PID1: variants seen among roughly 807,000 people sequenced by gnomAD.
PID1 encodes the protein PTB-containing, cubilin and LRP1-interacting protein.
Under a neutral mutation model 19.1 loss-of-function variants are expected in PID1, and 10 were observed. The ratio of observed to expected loss-of-function variants is 0.52; its 90% CI spans 0.32 to 0.89. PID1 has a LOEUF of 0.89. Ranked by LOEUF, PID1 falls within the 40% of genes least tolerant of loss-of-function variation. PID1 has a pLI of 0.03. For synonymous variants in PID1, 130 were observed against 116.0 expected, an observed-to-expected ratio of 1.12 and a Z score of -0.78; for missense variants, 248 against 285.3, an observed-to-expected ratio of 0.87 and a Z score of 0.94.
At chr2:229,252,469 T>C (rs900280446) in intron 1 of PID1, among the ~76,000 whole-genome samples, 3 of 152,130 alleles carry the variant, frequency 2.0e-5, no homozygotes, top group African/African-American at 7.2e-5. Flanking sequence ...GCAGAGCAAA[T>C]ACATATCTCA....
intron 2 of PID1, among the ~76,000 whole-genome samples, chr2:229,097,614 AT>A (rs1204851967): frequency 6.6e-6 from 1 of 152,184 alleles, no homozygotes; most frequent in Admixed American, 6.6e-5. Context: ...AAAACAGTAT[AT>A]TAAAGACTGA....
At chr2:229,259,506 G>A (rs1430833313) in intron 1 of PID1, among the ~76,000 whole-genome samples, 3 of 152,122 alleles carry the variant, frequency 2.0e-5, no homozygotes, top group Non-Finnish European at 2.9e-5. Context: ...TACACACAAA[G>A]GCACAAAGAT....
chr2:229,258,313 C>T (rs1690360107), intron 1 of PID1, among the ~76,000 whole-genome samples: 1 of 152,234 alleles, frequency 6.6e-6, no homozygotes, highest in Middle Eastern at 3.4e-3. Flanking sequence ...GACTAAGATC[C>T]CTAGGCAAAC....
At position 229,025,950 on chromosome 2, in the gene PID1, G is replaced by C. The variant is rs941668930; in HGVS notation, c.336C>G (p.Leu112=). ...LLEIRPFQVW[L]HHLDHKGEAT... is the part of the protein sequence containing the mutation. ...CCTCCCCTTTGTGGTCGAGATGATGGAGCCAAACTTGGAATGGCCGGATTT... is the reference window on the plus strand; with the variant it reads ...CCTCCCCTTTGTGGTCGAGATGATGCAGCCAAACTTGGAATGGCCGGATTT... Residue 112 remains leucine (L), a synonymous_variant, in exon 3 of 3, where the codon CTC becomes CTG. Transcript: ENST00000392055. The C allele has an allele frequency of 1.9e-6, 3 of 1,614,098 alleles. No individual in the cohort carries two copies. In the African/African-American group the frequency reaches 4.0e-5, roughly 22 times the overall value.
chr2:229,194,854 T>C (rs1054377791), intron 1 of PID1, among the ~76,000 whole-genome samples: 1 of 152,010 alleles, frequency 6.6e-6, no homozygotes, highest in Admixed American at 6.6e-5. Flanking sequence ...AATGTACATG[T>C]ATATAGTATA....
chr2:229,074,047 G>C (rs1426543461), intron 2 of PID1, among the ~76,000 whole-genome samples: 1 of 152,092 alleles, frequency 6.6e-6, no homozygotes, highest in African/African-American at 2.4e-5. Flanking sequence ...CCTCAAAATA[G>C]AAATCATTAA....
Position 229,025,788 on chromosome 2 carries a change from G to T in PID1, c.498C>A (p.Ala166=), listed in dbSNP as rs542027380. Residue 166 remains alanine, a synonymous_variant, in exon 3 of 3, where the codon GCC becomes GCA. Coordinates refer to ENST00000392055, the MANE Select transcript of PID1 (RefSeq NM_001100818.2). ...CCTCGAGCTTGCTCTCGCACTCCAC[G>T]GCGTGGCAGTCCATCTGGTAGGACA... The part of the protein sequence containing the change: ...DDLSYQMDCH[A]VECESKLEAK... 6.2e-7 allele frequency: 1 copy of T among 1,614,260 alleles called. No individual in the cohort carries two copies. The highest frequency in any genetic ancestry group is 1.1e-5 in the South Asian group (1 of 91,088).
intron 1 of PID1, among the ~76,000 whole-genome samples, chr2:229,257,991 A>T (rs1200526513): frequency 6.6e-6 from 1 of 152,200 alleles, no homozygotes; most frequent in African/African-American, 2.4e-5. Context: ...AGGAAAAATA[A>T]CAAGAAGGCA....
intron 2 of PID1, among the ~76,000 whole-genome samples, chr2:229,154,295 T>A (rs1196288204): frequency 6.7e-6 from 1 of 150,240 alleles, no homozygotes; most frequent in African/African-American, 2.5e-5. Context: ...TCATCACAAC[T>A]TTCTCAAGTT....
chr2:229,141,285 T>A (rs1453705854), intron 2 of PID1, among the ~76,000 whole-genome samples: 1 of 151,972 alleles, frequency 6.6e-6, no homozygotes, highest in African/African-American at 2.4e-5. Context: ...TCCTTCTACC[T>A]CCAAACCAGA....
intron 1 of PID1, among the ~76,000 whole-genome samples, chr2:229,253,584 T>C (rs1422142205): frequency 3.6e-5 from 3 of 82,296 alleles, no homozygotes; most frequent in Non-Finnish European, 7.1e-5. Flanking sequence ...TTAAAAGAAA[T>C]TCCAAGCAAA....
intron 1 of PID1, among the ~76,000 whole-genome samples, chr2:229,229,037 C>A (rs752964153): frequency 4.0e-4 from 61 of 152,148 alleles, no homozygotes; most frequent in Non-Finnish European, 7.1e-4. Flanking sequence ...AATGGAGACA[C>A]GGTCTGCTGA....
chr2:229,136,719 C>G (rs1689864878), intron 2 of PID1, among the ~76,000 whole-genome samples: 5 of 152,130 alleles, frequency 3.3e-5, no homozygotes, highest in Admixed American at 3.3e-4. Context: ...CTCAGGGACA[C>G]AAATTGACAA....
chr2:229,136,916 T>G lies in PID1; in HGVS notation c.177+18902A>C, dbSNP rs374084625. ...ACCACGTATCTTTATGGTAAACATGTTTCTCTTGGAGAAATGAGCCATAAA... is the reference window on the plus strand; with the variant it reads ...ACCACGTATCTTTATGGTAAACATGGTTCTCTTGGAGAAATGAGCCATAAA... On this transcript the variant is annotated intron_variant, in intron 2 of 2. Transcript: ENST00000392055. 9.8e-5 allele frequency among the ~76,000 whole-genome samples: 15 copies of G among 152,294 alleles called. 1 individual carries two copies. The highest frequency in any genetic ancestry group is 5.9e-4 in the Admixed American group (9 of 15,298).
At chr2:229,262,567 T>A (rs1164808977) in intron 1 of PID1, 1 of 1,421,330 alleles carries the variant, frequency 7.0e-7, no homozygotes, top group Non-Finnish European at 9.2e-7. Context: ...AGAAGTAGAG[T>A]GACCAAACAT....
intron 1 of PID1, among the ~76,000 whole-genome samples, chr2:229,220,775 T>C (rs1691950854): frequency 6.6e-6 from 1 of 152,146 alleles, no homozygotes; most frequent in Non-Finnish European, 1.5e-5. Flanking sequence ...TGGAGTAAAA[T>C]TAAAACTAAA....
intron 1 of PID1, among the ~76,000 whole-genome samples, chr2:229,206,301 G>C (rs1691607861): frequency 2.2e-5 from 3 of 137,588 alleles, no homozygotes; most frequent in African/African-American, 2.5e-5. Context: ...CAAGACTAAT[G>C]GTTAATTTTT....
At chr2:229,154,632 G>A (rs985891) in intron 2 of PID1, among the ~76,000 whole-genome samples, 43,925 of 152,006 alleles carry the variant, frequency 0.29, 6,773 homozygotes, top group Non-Finnish European at 0.36. Context: ...CGCTGTAGAC[G>A]CCAACCTGAC....
At chr2:229,062,257 A>T (rs1240396681) in intron 2 of PID1, among the ~76,000 whole-genome samples, 2 of 151,926 alleles carry the variant, frequency 1.3e-5, no homozygotes, top group African/African-American at 4.8e-5. Flanking sequence ...GTGGAGGTAC[A>T]TTCCTTCTGT....
Sources: gnomAD v4.1 joint callset for allele counts (sites outside exome capture counted in the v4.1 genomes callset) on GRCh38, gnomAD v4.1.1 for gene constraint, MANE v1.5 for transcripts, NCBI Gene and HGNC (gene_info 2026-07-23, HGNC 2026-07-21) for gene names.